SNTG2: variants seen among roughly 807,000 people sequenced by gnomAD.
SNTG2 encodes the protein gamma-2-syntrophin.
A neutral mutation model predicts 70.9 loss-of-function variants in SNTG2; 74 were observed. The ratio of observed to expected loss-of-function variants is 1.04; its 90% CI spans 0.86 to 1.27. The LOEUF is 1.27. SNTG2 is among the 50% of genes most tolerant of loss of function. The pLI is 0.00. For synonymous variants in SNTG2, 278 were observed against 273.8 expected, an observed-to-expected ratio of 1.02 and a Z score of -0.15; for missense variants, 717 against 690.7, an observed-to-expected ratio of 1.04 and a Z score of -0.43.
chr2:1,362,879 ATG>A (rs1204012132), intron 16 of SNTG2, among the ~76,000 whole-genome samples: 1 of 151,762 alleles, frequency 6.6e-6, no homozygotes, highest in African/African-American at 2.4e-5. Flanking sequence ...TAGAACTTCC[ATG>A]AAAGTCACCA....
At chr2:1,130,506 A>G (rs1667949836) in intron 4 of SNTG2, among the ~76,000 whole-genome samples, 1 of 152,226 alleles carries the variant, frequency 6.6e-6, no homozygotes, top group Non-Finnish European at 1.5e-5. Context: ...TTAAGAAATG[A>G]CAATTAAAGT....
At chr2:1,016,888 G>C (rs539662614) in intron 1 of SNTG2, among the ~76,000 whole-genome samples, 1 of 152,280 alleles carries the variant, frequency 6.6e-6, no homozygotes, top group East Asian at 1.9e-4. Flanking sequence ...AAACCAGCCA[G>C]GACCAGATCA....
At chr2:1,304,232 C>T (rs1680580550) in intron 14 of SNTG2, among the ~76,000 whole-genome samples, 2 of 152,192 alleles carry the variant, frequency 1.3e-5, no homozygotes, top group Non-Finnish European at 2.9e-5. Context: ...CAGATGCACG[C>T]CTGCTGTTAT....
chr2:1,222,028 C>T (rs1553362091), intron 9 of SNTG2, among the ~76,000 whole-genome samples: 39 of 1,382 alleles, frequency 0.028, 7 homozygotes, highest in South Asian at 0.15. Context: ...TCTGTCTCTG[C>T]CTATCTCTGT....
intron 1 of SNTG2, among the ~76,000 whole-genome samples, chr2:1,000,260 A>G (rs1030215817): frequency 1.3e-5 from 2 of 151,962 alleles, no homozygotes; most frequent in South Asian, 4.1e-4. Context: ...CAAAGCTAAC[A>G]GAAGAAAATA....
intron 9 of SNTG2, among the ~76,000 whole-genome samples, chr2:1,223,535 C>G (rs915805447): frequency 6.6e-6 from 1 of 152,244 alleles, no homozygotes; most frequent in African/African-American, 2.4e-5. Context: ...TGGCCAGAGT[C>G]ATTTTACCAT....
chr2:1,044,676 A>C (rs1397005283), intron 1 of SNTG2, among the ~76,000 whole-genome samples: 1 of 152,152 alleles, frequency 6.6e-6, no homozygotes, highest in Admixed American at 6.6e-5. Context: ...AGTTATCTTC[A>C]TGTGATGAAG....
chr2:1,207,529 G>T (rs937868073), intron 8 of SNTG2, among the ~76,000 whole-genome samples: 2 of 152,198 alleles, frequency 1.3e-5, no homozygotes, highest in African/African-American at 4.8e-5. Flanking sequence ...TTGAGGGAGA[G>T]GCCTTTCATC....
In SNTG2 at chr2:1,308,571, T is replaced by A; in HGVS notation, c.1362T>A (p.Phe454Leu). Residue 454 changes from phenylalanine to leucine, a missense_variant, in exon 15 of 17, where the codon TTT becomes TTA. Physicochemically the swap from Phe to Leu is conservative, Grantham distance 22. Transcript: ENST00000308624. ...TVDFALGFTC[F>L]ESKTKNVLWR... ...ATTTCGCGTTGGGATTTACCTGTTT[T>A]GAGAGTAAGACCAAGGTAAGAGGCC... is the stretch of plus-strand genomic sequence containing the variant. 2 of 1,551,656 alleles carry A rather than the reference T, an allele frequency of 1.3e-6. No individual in the cohort carries two copies. The highest frequency in any genetic ancestry group is 1.7e-6 in the Non-Finnish European group (2 of 1,146,960).
At chr2:1,209,001 G>T in intron 8 of SNTG2, 102 bp from the exon 9 acceptor site, 1 of 1,410,446 alleles carries the variant, frequency 7.1e-7, no homozygotes, top group Non-Finnish European at 9.7e-7. Flanking sequence ...CAGTTGAAAT[G>T]TGTTGGACTT....
chr2:1,025,455 A>G (rs913597164), intron 1 of SNTG2, among the ~76,000 whole-genome samples: 5 of 152,180 alleles, frequency 3.3e-5, no homozygotes, highest in African/African-American at 1.2e-4. Flanking sequence ...ACTGCAGAGC[A>G]CAAACTTAAT....
chr2:1,320,850 G>A (rs537108670), intron 16 of SNTG2, among the ~76,000 whole-genome samples: 53 of 152,254 alleles, frequency 3.5e-4, no homozygotes, highest in African/African-American at 1.3e-3. Context: ...CAATTCCCAC[G>A]AAAGATACCC....
chr2:1,213,614 C>G (rs1044839689), intron 9 of SNTG2, among the ~76,000 whole-genome samples: 1 of 152,204 alleles, frequency 6.6e-6, no homozygotes, highest in Non-Finnish European at 1.5e-5. Flanking sequence ...GGACAGGATG[C>G]CATCCCACTG....
chr2:1,078,198 C>A (rs894760381), intron 1 of SNTG2, among the ~76,000 whole-genome samples: 1 of 152,188 alleles, frequency 6.6e-6, no homozygotes, highest in African/African-American at 2.4e-5. Flanking sequence ...CCAGGCTGGG[C>A]TGTAGAAGCT....
chr2:1,351,108 G>A (rs960255477), intron 16 of SNTG2, among the ~76,000 whole-genome samples: 6 of 151,580 alleles, frequency 4.0e-5, no homozygotes, highest in Admixed American at 3.9e-4. Flanking sequence ...ATTTATACAA[G>A]CAGAAGAAAG....
At chr2:1,055,049 TGA>T (rs1208956554) in intron 1 of SNTG2, among the ~76,000 whole-genome samples, 1 of 152,196 alleles carries the variant, frequency 6.6e-6, no homozygotes, top group African/African-American at 2.4e-5. Flanking sequence ...TACTGCTGTG[TGA>T]GTCTATAAAT....
chr2:1,235,944 T>G (rs1676625147), intron 9 of SNTG2, among the ~76,000 whole-genome samples: 1 of 152,208 alleles, frequency 6.6e-6, no homozygotes, highest in Non-Finnish European at 1.5e-5. Context: ...TGGTGAGTTG[T>G]GTGCGTGTGT....
Position 1,367,552 on chromosome 2 carries a change from T to C in SNTG2, c.*78T>C. ...TCTTTCCTGCAGAATATTGCAACTT[T>C]GTGTTGTTTTATGATGAGCCTATAG... On this transcript the variant is annotated 3_prime_UTR_variant, in exon 17 of 17. Transcript: ENST00000308624. 2 of 1,497,696 alleles carry C rather than the reference T, an allele frequency of 1.3e-6. No homozygotes were observed. The highest frequency in any genetic ancestry group is 1.8e-6 in the Non-Finnish European group (2 of 1,111,642). 92.8% of individuals were successfully genotyped at this position (1,497,696 alleles called of 1,614,324 possible).
intron 6 of SNTG2, among the ~76,000 whole-genome samples, chr2:1,164,510 AGGT>A (rs1310808991): frequency 8.0e-5 from 9 of 112,484 alleles, no homozygotes; most frequent in African/African-American, 2.6e-4. Context: ...GGATGAAGTG[AGGT>A]AGGAACCTGC....
Sources: gnomAD v4.1 joint callset for allele counts (sites outside exome capture counted in the v4.1 genomes callset) on GRCh38, gnomAD v4.1.1 for gene constraint, MANE v1.5 for transcripts, NCBI Gene and HGNC (gene_info 2026-07-23, HGNC 2026-07-21) for gene names.